THRB: variants seen among roughly 807,000 people sequenced by gnomAD.
The protein encoded by THRB is nuclear receptor subfamily 1 group A member 2.
A neutral mutation model predicts 47.8 loss-of-function variants in THRB; 12 were observed. The observed-to-expected ratio is 0.25, with a 90% CI of 0.16 to 0.41. The LOEUF is 0.41. Ranked by LOEUF, THRB falls within the 10% of genes least tolerant of loss-of-function variation. The pLI is 1.00. For synonymous variants in THRB, 218 were observed against 212.2 expected (o/e 1.03, Z -0.24); for missense variants, 348 against 589.2 (o/e 0.59, Z 4.24).
intron 3 of THRB, among the ~76,000 whole-genome samples, chr3:24,233,062 G>A (rs1237138068): frequency 6.6e-6 from 1 of 152,146 alleles, no homozygotes. Flanking sequence ...CCAGTGCTGT[G>A]TCCCTTAAAT....
chr3:24,405,819 T>C (rs938643061), intron 1 of THRB, among the ~76,000 whole-genome samples: 4 of 151,702 alleles, frequency 2.6e-5, no homozygotes, highest in Non-Finnish European at 4.4e-5. Flanking sequence ...TTGGATTACT[T>C]TGGGGAGATT....
At chr3:24,221,774 C>A (rs2047185363) in intron 4 of THRB, among the ~76,000 whole-genome samples, 1 of 152,276 alleles carries the variant, frequency 6.6e-6, no homozygotes, top group East Asian at 1.9e-4. Context: ...AAGTAATTGT[C>A]TAAGAGTTGC....
intron 2 of THRB, among the ~76,000 whole-genome samples, chr3:24,303,152 G>T (rs2057075312): frequency 1.3e-5 from 2 of 152,170 alleles, no homozygotes; most frequent in Admixed American, 6.5e-5. Flanking sequence ...TGGAAGCAGA[G>T]ATCCTTATTT....
intron 2 of THRB, among the ~76,000 whole-genome samples, chr3:24,321,585 G>C (rs538052035): frequency 6.6e-5 from 10 of 151,956 alleles, no homozygotes; most frequent in Non-Finnish European, 1.2e-4. Flanking sequence ...GGCTTCTAAG[G>C]TTTCATAAAT....
At chr3:24,433,729 C>T (rs1249212629) in intron 1 of THRB, among the ~76,000 whole-genome samples, 1 of 152,146 alleles carries the variant, frequency 6.6e-6, no homozygotes, top group African/African-American at 2.4e-5. Flanking sequence ...GCTTCTATTA[C>T]TATTATCATC....
chr3:24,326,754 G>GTTTTTTTTTT (rs1300726453), intron 2 of THRB, among the ~76,000 whole-genome samples: 10 of 58,948 alleles, frequency 1.7e-4, no homozygotes, highest in African/African-American at 5.1e-4. Context: ...GTCCAGTCTT[G>GTTTTTTTTTT]TCTTTTTTTT....
intron 1 of THRB, among the ~76,000 whole-genome samples, chr3:24,383,060 A>G (rs911355167): frequency 1.3e-5 from 2 of 152,058 alleles, no homozygotes; most frequent in Non-Finnish European, 2.9e-5. Flanking sequence ...CCTCAGAGAA[A>G]CTCACGTACT....
chr3:24,484,854 A>G (rs908668165), intron 1 of THRB, among the ~76,000 whole-genome samples: 1 of 152,228 alleles, frequency 6.6e-6, no homozygotes, highest in Admixed American at 6.5e-5. Context: ...TATCTAATAT[A>G]CCTACAAGTA....
Position 24,122,688 on chromosome 3 carries a change from C to A in THRB, c.*196G>T, listed in dbSNP as rs374351873. 2 of 692,018 alleles carry A rather than the reference C, an allele frequency of 2.9e-6. No homozygotes were observed. Among genetic ancestry groups the A allele is most frequent in the Admixed American group, 2.5e-5 (1 of 40,148 alleles). The allele number at this position is 692,018 out of a possible 1,614,324, so 42.9% of individuals were successfully genotyped here. A position where few individuals can be genotyped will look rare whatever the true frequency, so the allele number is the denominator to read the frequency against. On this transcript the variant is annotated 3_prime_UTR_variant, in exon 11 of 11. Transcript: ENST00000646209. ...CTTCAGAGCATTCACATCACAGGAC[C>A]GGAGAACGAAATGCAATAGTTTCAA...
intron 1 of THRB, among the ~76,000 whole-genome samples, chr3:24,339,229 T>C (rs1441640943): frequency 2.0e-5 from 3 of 152,210 alleles, no homozygotes; most frequent in Admixed American, 6.5e-5. Context: ...AACTTGACTC[T>C]GTGAAAAACC....
At chr3:24,262,564 C>G (rs971846755) in intron 3 of THRB, among the ~76,000 whole-genome samples, 4 of 152,190 alleles carry the variant, frequency 2.6e-5, no homozygotes, top group African/African-American at 4.8e-5. Context: ...TCAAACATAT[C>G]AAGGGTTGCT....
intron 2 of THRB, among the ~76,000 whole-genome samples, chr3:24,333,317 C>T (rs1399119978): frequency 6.6e-6 from 1 of 152,008 alleles, no homozygotes; most frequent in Non-Finnish European, 1.5e-5. Context: ...GCCACTTGAC[C>T]AAGGAAGAAG....
chr3:24,437,935 T>C (rs574595507), intron 1 of THRB, among the ~76,000 whole-genome samples: 20 of 151,638 alleles, frequency 1.3e-4, no homozygotes, highest in African/African-American at 4.6e-4. Flanking sequence ...TCCTACTATT[T>C]TGCAAGCTCT....
chr3:24,214,537 C>T (rs995722046), intron 4 of THRB, among the ~76,000 whole-genome samples: 13 of 152,196 alleles, frequency 8.5e-5, no homozygotes, highest in South Asian at 6.2e-4. Context: ...CCGAAGGTGC[C>T]GGTTTCCTCA....
At chr3:24,224,192 G>T (rs1215773842) in intron 4 of THRB, among the ~76,000 whole-genome samples, 2 of 152,040 alleles carry the variant, frequency 1.3e-5, no homozygotes, top group Non-Finnish European at 2.9e-5. Context: ...GAAATTATCG[G>T]AAAGATGCAA....
At chr3:24,259,958 G>T (rs1440374310) in intron 3 of THRB, among the ~76,000 whole-genome samples, 1 of 152,008 alleles carries the variant, frequency 6.6e-6, no homozygotes, top group Non-Finnish European at 1.5e-5. Flanking sequence ...ATGGTTCATG[G>T]TACATTCACA....
In THRB at chr3:24,393,747, G is replaced by T. The variant is rs1434506493; in HGVS notation, c.-260-56376C>A. Among the ~76,000 whole-genome samples the T allele has an allele frequency of 3.3e-5, 5 of 152,252 alleles. No individual in the cohort carries two copies. In the East Asian group the frequency reaches 9.7e-4, roughly 29 times the overall value. On this transcript the variant is annotated intron_variant, in intron 1 of 10. Coordinates refer to ENST00000646209, the MANE Select transcript of THRB (RefSeq NM_001354712.2). The stretch of plus-strand genomic sequence containing the variant: ...TAAGGTGGCAGGAAGACCCCAAAAG[G>T]TGAGGTCCTATCCTCTGCCAAAGAA...
At chr3:24,155,603 A>G (rs2037699642) in intron 5 of THRB, among the ~76,000 whole-genome samples, 1 of 152,238 alleles carries the variant, frequency 6.6e-6, no homozygotes. Context: ...ATTCTCCTAG[A>G]GAACTTAACC....
At chr3:24,466,892 CA>C (rs1235787707) in intron 1 of THRB, among the ~76,000 whole-genome samples, 1 of 152,112 alleles carries the variant, frequency 6.6e-6, no homozygotes, top group African/African-American at 2.4e-5. Flanking sequence ...GTTGCTGTGG[CA>C]ATTTCTTAAA....
Sources: allele counts gnomAD v4.1 joint callset (sites outside exome capture counted in the v4.1 genomes callset), GRCh38; gene constraint gnomAD v4.1.1; transcripts MANE v1.5; gene names NCBI Gene and HGNC (gene_info 2026-07-23, HGNC 2026-07-21).